ARF4: variants seen among roughly 807,000 people sequenced by gnomAD.
ARF4 encodes the protein ARF GTPase 4.
ARF4 carries 5 observed loss-of-function variants against 24.3 expected under a neutral mutation model. The ratio of observed to expected loss-of-function variants is 0.21; its 90% CI spans 0.11 to 0.43. ARF4 has a LOEUF of 0.43. Among genes scored for constraint, ARF4 ranks in the 20% least tolerant of loss-of-function variants. The pLI is 1.00. For missense variants in ARF4, 107 were observed against 213.0 expected (o/e 0.50, Z 3.10); for synonymous variants, 62 against 73.5 (o/e 0.84, Z 0.80).
chr3:57,592,562 T>C (rs766868465), intron 1 of ARF4, among the ~76,000 whole-genome samples: 1 of 152,124 alleles, frequency 6.6e-6, no homozygotes, highest in Non-Finnish European at 1.5e-5. Context: ...TACGGAAAAA[T>C]GTGAACTTAG....
intron 1 of ARF4, among the ~76,000 whole-genome samples, chr3:57,594,588 CAGG>C (rs2070159115): frequency 1.3e-5 from 2 of 152,196 alleles, no homozygotes. Context: ...TGAAGAACAG[CAGG>C]TGTACGAATT....
At position 57,575,620 on chromosome 3, in the gene ARF4, C is replaced by G; in HGVS notation, c.384G>C (p.Gln128His). The change falls in exon 5 of 6, where the codon CAG becomes CAC. Residue 128 changes from glutamine (Q) to histidine (H), a missense_variant. Gln to His is a conservative substitution (Grantham distance 24). Transcript: ENST00000303436. ...DAVLLLFANK[Q>H]DLPNAMAISE... is the part of the protein sequence containing the mutation. The stretch of plus-strand genomic sequence containing the variant: ...TGATGGCCATAGCATTTGGCAAATC[C>G]TGTTTGTTTGCAAAAAGTAGCAGCA... The G allele has an allele frequency of 6.2e-7, 1 of 1,613,570 alleles. No individual in the cohort carries two copies. The highest frequency in any genetic ancestry group is 8.5e-7 in the Non-Finnish European group (1 of 1,179,828).
chr3:57,585,711 G>A (rs1278324305), intron 1 of ARF4, among the ~76,000 whole-genome samples: 1 of 142,262 alleles, frequency 7.0e-6, no homozygotes, highest in African/African-American at 2.7e-5. Flanking sequence ...CACCCAGGCT[G>A]AAGTGCAATG....
intron 5 of ARF4, among the ~76,000 whole-genome samples, chr3:57,573,151 G>A (rs575549520): frequency 4.0e-5 from 6 of 149,492 alleles, no homozygotes; most frequent in East Asian, 4.0e-4. Flanking sequence ...GCAGTGAGCC[G>A]AGATCGTGCC....
chr3:57,590,136 A>AAAT (rs2070093317), intron 1 of ARF4, among the ~76,000 whole-genome samples: 1 of 122,398 alleles, frequency 8.2e-6, no homozygotes, highest in Non-Finnish European at 1.8e-5. Flanking sequence ...AATAAATAAA[A>AAAT]CAAAAAACAA....
At chr3:57,583,666 G>A (rs2070002228) in intron 3 of ARF4, among the ~76,000 whole-genome samples, 1 of 152,006 alleles carries the variant, frequency 6.6e-6, no homozygotes, top group African/African-American at 2.4e-5. Flanking sequence ...AACTACACCA[G>A]CACCCACCCC....
intron 1 of ARF4, among the ~76,000 whole-genome samples, chr3:57,591,477 T>C (rs917088915): frequency 2.0e-5 from 3 of 151,058 alleles, no homozygotes. Context: ...TTTTCTTTTT[T>C]TTTTTTTGAG....
chr3:57,573,824 C>T (rs573496313), intron 5 of ARF4, among the ~76,000 whole-genome samples: 11 of 152,318 alleles, frequency 7.2e-5, no homozygotes, highest in Admixed American at 2.0e-4. Flanking sequence ...TCAAGTGATC[C>T]GCCCACCTTC....
intron 1 of ARF4, among the ~76,000 whole-genome samples, chr3:57,584,683 A>C (rs2070015404): frequency 6.6e-6 from 1 of 152,148 alleles, no homozygotes; most frequent in African/African-American, 2.4e-5. Flanking sequence ...AGCATGTACT[A>C]GTAAAAGGTA....
chr3:57,572,713 G>A (rs1017204599), intron 5 of ARF4, among the ~76,000 whole-genome samples: 1 of 152,006 alleles, frequency 6.6e-6, no homozygotes, highest in Non-Finnish European at 1.5e-5. Flanking sequence ...ATTATATTTA[G>A]ACAAGATTTT....
At chr3:57,577,817 C>T (rs936823995) in intron 3 of ARF4, among the ~76,000 whole-genome samples, 7 of 151,664 alleles carry the variant, frequency 4.6e-5, no homozygotes, top group Admixed American at 1.3e-4. Flanking sequence ...CTGAGGCAAA[C>T]GATCAGGCCT....
At chr3:57,582,036 ATT>A (rs1179875826) in intron 3 of ARF4, among the ~76,000 whole-genome samples, 2 of 152,208 alleles carry the variant, frequency 1.3e-5, no homozygotes, top group African/African-American at 4.8e-5. Flanking sequence ...GGATTTCTGG[ATT>A]TAGAATGCTC....
intron 1 of ARF4, among the ~76,000 whole-genome samples, chr3:57,593,630 T>C (rs2070140791): frequency 6.6e-6 from 1 of 152,248 alleles, no homozygotes; most frequent in African/African-American, 2.4e-5. Context: ...GAGATCAGAA[T>C]TAGTAATTCC....
Position 57,571,493 on chromosome 3 carries a change from A to T in ARF4, c.*719T>A, listed in dbSNP as rs2069842857. Reference sequence around the variant, plus strand: ...TGCCCAATAAACAAAACATCAGCAGAACTATCATATACTGAGCAAAAAATC... The same window carrying T: ...TGCCCAATAAACAAAACATCAGCAGTACTATCATATACTGAGCAAAAAATC... On this transcript the variant is annotated 3_prime_UTR_variant, in exon 6 of 6. Transcript: ENST00000303436. The T allele has an allele frequency of 2.0e-5, 3 of 152,668 alleles. No homozygotes were observed. Among genetic ancestry groups the T allele is most frequent in the Admixed American group, 2.0e-4 (3 of 15,284 alleles). 9.5% of individuals were successfully genotyped at this position (152,668 alleles called of 1,614,324 possible).
intron 5 of ARF4, among the ~76,000 whole-genome samples, chr3:57,573,492 T>C (rs1217145152): frequency 6.6e-6 from 1 of 152,180 alleles, no homozygotes; most frequent in East Asian, 1.9e-4. Context: ...CTCAGTAACC[T>C]AGGAGGCTGG....
At chr3:57,596,863 C>T in intron 1 of ARF4, 1 of 565,088 alleles carries the variant, frequency 1.8e-6, no homozygotes, top group Non-Finnish European at 3.1e-6. Context: ...GCCCGAAGCC[C>T]TGTCCCTGTC....
At chr3:57,595,269 T>C (rs548917194) in intron 1 of ARF4, among the ~76,000 whole-genome samples, 1 of 152,294 alleles carries the variant, frequency 6.6e-6, no homozygotes, top group East Asian at 1.9e-4. Context: ...ACAATAAATC[T>C]TAAGTAAAAA....
Position 57,597,224 on chromosome 3 carries a change from C to A in ARF4, c.-84G>T. On this transcript the variant is annotated 5_prime_UTR_variant, in exon 1 of 6. Coordinates refer to ENST00000303436, the MANE Select transcript of ARF4 (RefSeq NM_001660.4). ...TTCTCCTTTCAAGCTCCCAGGCAAA[C>A]TAAACGAGAGGGAAGAGAAAGAGCG... The A allele has an allele frequency of 7.5e-7, 1 of 1,339,890 alleles. No homozygotes were observed. The highest frequency in any genetic ancestry group is 1.1e-6 in the Non-Finnish European group (1 of 946,966). The allele number at this position is 1,339,890 out of a possible 1,614,324, so 83.0% of individuals were successfully genotyped here. A position where few individuals can be genotyped will look rare whatever the true frequency, so the allele number is the denominator to read the frequency against.
At chr3:57,575,296 C>A (rs868726227) in intron 5 of ARF4, among the ~76,000 whole-genome samples, 9 of 120,608 alleles carry the variant, frequency 7.5e-5, no homozygotes, top group African/African-American at 1.1e-4. Context: ...TTCCTTCCAC[C>A]TCTCCCTTCA....
Sources: allele counts gnomAD v4.1 joint callset (sites outside exome capture counted in the v4.1 genomes callset), GRCh38; gene constraint gnomAD v4.1.1; transcripts MANE v1.5; gene names NCBI Gene and HGNC (gene_info 2026-07-23, HGNC 2026-07-21).